The following ADGRB3 variants were observed in gnomAD, a reference collection of about 807,000 sequenced individuals.
ADGRB3 encodes the protein brain-specific angiogenesis inhibitor 3.
Under a neutral mutation model 193.4 loss-of-function variants are expected in ADGRB3, and 37 were observed. That is an observed-to-expected ratio of 0.19 (90% CI 0.15 to 0.25). The LOEUF is 0.25. ADGRB3 is among the 10% of genes least tolerant of loss of function. The pLI is 1.00. For missense variants in ADGRB3, 1,637 were observed against 1,852.9 expected, an observed-to-expected ratio of 0.88 and a Z score of 2.14; for synonymous variants, 690 against 644.2, an observed-to-expected ratio of 1.07 and a Z score of -1.08.
chr6:69,058,371 G>A (rs916552422), intron 15 of ADGRB3, among the ~76,000 whole-genome samples: 4 of 151,188 alleles, frequency 2.6e-5, no homozygotes, highest in Admixed American at 6.6e-5. Flanking sequence ...TGTCAATTTT[G>A]TATATTTTTT....
At chr6:69,198,437 T>C in intron 17 of ADGRB3, among the ~76,000 whole-genome samples, 1 of 151,826 alleles carries the variant, frequency 6.6e-6, no homozygotes, top group East Asian at 1.9e-4. Context: ...GAAGAAAAAG[T>C]AGGGTGAAAA....
intron 17 of ADGRB3, among the ~76,000 whole-genome samples, chr6:69,088,832 A>T (rs1016784579): frequency 6.6e-6 from 1 of 152,220 alleles, no homozygotes; most frequent in African/African-American, 2.4e-5. Flanking sequence ...TTTCAACAAC[A>T]CCTACGCCAC....
chr6:69,103,458 TTC>T (rs1773123074), intron 17 of ADGRB3, among the ~76,000 whole-genome samples: 1 of 152,174 alleles, frequency 6.6e-6, no homozygotes, highest in African/African-American at 2.4e-5. Flanking sequence ...TATGCCAACT[TTC>T]TGTCTCAATA....
intron 20 of ADGRB3, among the ~76,000 whole-genome samples, chr6:69,240,144 A>T (rs1766354246): frequency 6.6e-6 from 1 of 152,028 alleles, no homozygotes; most frequent in South Asian, 2.1e-4. Flanking sequence ...AGGATAATGG[A>T]TAGTCTGTTT....
At chr6:69,258,344 T>C (rs929295976) in intron 20 of ADGRB3, among the ~76,000 whole-genome samples, 19 of 152,218 alleles carry the variant, frequency 1.2e-4, no homozygotes, top group African/African-American at 4.6e-4. Flanking sequence ...ACACAAATAA[T>C]GTGTAATGTT....
At chr6:69,165,532 A>G (rs1775110194) in intron 17 of ADGRB3, among the ~76,000 whole-genome samples, 1 of 151,774 alleles carries the variant, frequency 6.6e-6, no homozygotes, top group African/African-American at 2.4e-5. Context: ...TCAAGCCTTT[A>G]TCTAATTGGT....
chr6:68,781,693 G>A (rs1327500733), intron 3 of ADGRB3, among the ~76,000 whole-genome samples: 1 of 152,020 alleles, frequency 6.6e-6, no homozygotes, highest in East Asian at 1.9e-4. Context: ...GGAGGGTGAG[G>A]CAAACTTAAG....
chr6:68,826,973 A>G (rs148820412), intron 3 of ADGRB3, among the ~76,000 whole-genome samples: 1 of 152,178 alleles, frequency 6.6e-6, no homozygotes, highest in Non-Finnish European at 1.5e-5. Context: ...TCAAACAGAA[A>G]GGTAGTTCCA....
At chr6:69,365,938 T>C (rs1204283344) in intron 29 of ADGRB3, among the ~76,000 whole-genome samples, 1 of 152,078 alleles carries the variant, frequency 6.6e-6, no homozygotes, top group Non-Finnish European at 1.5e-5. Flanking sequence ...TAAGATTATG[T>C]TATTATTATG....
intron 17 of ADGRB3, among the ~76,000 whole-genome samples, chr6:69,123,991 T>C (rs1371880407): frequency 6.6e-6 from 1 of 152,186 alleles, no homozygotes; most frequent in Non-Finnish European, 1.5e-5. Flanking sequence ...TTTCACTTAA[T>C]TAATACCTTA....
chr6:69,382,713 C>T (rs1769975112), intron 30 of ADGRB3, 118 bp from the exon 31 acceptor site: 1 of 589,448 alleles, frequency 1.7e-6, no homozygotes, highest in African/African-American at 2.0e-5. Context: ...TCTTATAGGA[C>T]CTCCTGGTTC....
chr6:69,260,105 T>C (rs1416563211), intron 20 of ADGRB3, among the ~76,000 whole-genome samples: 1 of 152,210 alleles, frequency 6.6e-6, no homozygotes, highest in Non-Finnish European at 1.5e-5. Context: ...ATTTTTAATT[T>C]TGGTAATTCT....
At chr6:69,276,997 T>C (rs1767316732) in intron 20 of ADGRB3, among the ~76,000 whole-genome samples, 3 of 151,480 alleles carry the variant, frequency 2.0e-5, no homozygotes, top group South Asian at 2.1e-4. Context: ...TTCTTTTTTT[T>C]TTTCCTTTTT....
intron 20 of ADGRB3, among the ~76,000 whole-genome samples, chr6:69,242,124 G>C (rs1367196587): frequency 1.3e-5 from 2 of 151,798 alleles, no homozygotes; most frequent in East Asian, 3.9e-4. Context: ...TATGTGAAAG[G>C]CTACATCTGT....
chr6:68,974,907 T>C (rs1768698512), intron 9 of ADGRB3, 43 bp downstream of exon 9: 1 of 1,507,208 alleles, frequency 6.6e-7, no homozygotes, highest in Admixed American at 1.7e-5. Context: ...ATAATCCCCA[T>C]CCAAGAACAG....
intron 3 of ADGRB3, among the ~76,000 whole-genome samples, chr6:68,867,237 C>A (rs59029437): frequency 3.4e-3 from 519 of 152,230 alleles, no homozygotes; most frequent in African/African-American, 0.012. Context: ...GGACATGGCA[C>A]CCTGCATCCT....
At chr6:69,240,245 G>C (rs1258502699) in intron 20 of ADGRB3, among the ~76,000 whole-genome samples, 1 of 152,036 alleles carries the variant, frequency 6.6e-6, no homozygotes, top group African/African-American at 2.4e-5. Flanking sequence ...TGCTTTAAGT[G>C]ATTCTGATAA....
At chr6:68,668,765 T>C (rs966911587) in intron 3 of ADGRB3, among the ~76,000 whole-genome samples, 1 of 151,848 alleles carries the variant, frequency 6.6e-6, no homozygotes, top group East Asian at 1.9e-4. Flanking sequence ...GCTATTACCT[T>C]TACTAGAACC....
intron 17 of ADGRB3, chr6:69,232,486 G>A: frequency 6.5e-7 from 1 of 1,534,344 alleles, no homozygotes. Flanking sequence ...GGACTTTGGG[G>A]TGGGGTTATT....
Sources: allele counts gnomAD v4.1 joint callset (sites outside exome capture counted in the v4.1 genomes callset), GRCh38; gene constraint gnomAD v4.1.1; transcripts MANE v1.5; gene names NCBI Gene and HGNC (gene_info 2026-07-23, HGNC 2026-07-21).